The following MACROD2 variants were observed in gnomAD, a reference collection of about 807,000 sequenced individuals.
MACROD2 encodes the protein mono-ADP ribosylhydrolase 2.
Under a neutral mutation model 70.4 loss-of-function variants are expected in MACROD2, and 36 were observed. The ratio of observed to expected loss-of-function variants is 0.51; its 90% CI spans 0.39 to 0.68. The LOEUF is 0.68. Among genes scored for constraint, MACROD2 ranks in the 30% least tolerant of loss-of-function variants. MACROD2 has a pLI of 0.00. For missense variants in MACROD2, 496 were observed against 538.4 expected (o/e 0.92, Z 0.78); for synonymous variants, 172 against 178.8 (o/e 0.96, Z 0.30).
chr20:15,986,841 G>A (rs1387663826), intron 14 of MACROD2, 40 bp downstream of exon 14: 1 of 1,483,920 alleles, frequency 6.7e-7, no homozygotes, highest in Admixed American at 1.7e-5. Flanking sequence ...AGAATGAGAT[G>A]AAACTGTGAA....
chr20:15,189,172 C>T (rs2076553193), intron 5 of MACROD2, among the ~76,000 whole-genome samples: 1 of 151,952 alleles, frequency 6.6e-6, no homozygotes, highest in Admixed American at 6.6e-5. Flanking sequence ...ATGAAAGCAC[C>T]TAGCCAACTT....
intron 8 of MACROD2, among the ~76,000 whole-genome samples, chr20:15,856,803 G>A (rs1297903872): frequency 6.6e-6 from 1 of 152,180 alleles, no homozygotes; most frequent in Admixed American, 6.5e-5. Context: ...TTTATTGACA[G>A]CTTGTTCATA....
intron 3 of MACROD2, among the ~76,000 whole-genome samples, chr20:14,385,931 A>G (rs2083463265): frequency 6.6e-6 from 1 of 152,252 alleles, no homozygotes; most frequent in East Asian, 1.9e-4. Context: ...TGTTATTAGC[A>G]TTAAAGAACA....
At chr20:15,101,533 T>TAAAAAAAA (rs1568573864) in intron 5 of MACROD2, among the ~76,000 whole-genome samples, 7 of 7,490 alleles carry the variant, frequency 9.3e-4, no homozygotes, top group Admixed American at 1.5e-3. Flanking sequence ...AGGTGTTGGT[T>TAAAAAAAA]CAAAAAAAAA....
rs1258387932 is a variant in MACROD2 at position 14,862,678 on chromosome 20, AAT to A, written c.418+177729_418+177730del. On this transcript the variant is annotated intron_variant, in intron 5 of 17. Transcript: ENST00000684519. ...ATAAATATATATATAAATATATATA[AAT>A]ATATATATAAATATATATAAATATA... 1.9e-3 allele frequency among the ~76,000 whole-genome samples: 119 copies of A among 63,320 alleles called. 3 individuals carry two copies. Among genetic ancestry groups the A allele is most frequent in the African/African-American group, 7.4e-3 (112 of 15,206 alleles). The allele number at this position is 63,320 out of a possible 152,430, so 41.5% of individuals were successfully genotyped here. A position where few individuals can be genotyped will look rare whatever the true frequency, so the allele number is the denominator to read the frequency against.
intron 6 of MACROD2, among the ~76,000 whole-genome samples, chr20:15,370,596 C>T (rs1303617940): frequency 8.6e-5 from 13 of 151,912 alleles, no homozygotes; most frequent in Middle Eastern, 6.8e-3. Context: ...CAAAAAAATA[C>T]GGTTGATGCA....
At chr20:15,796,510 G>T (rs1349827894) in intron 8 of MACROD2, among the ~76,000 whole-genome samples, 2 of 152,226 alleles carry the variant, frequency 1.3e-5, no homozygotes, top group African/African-American at 4.8e-5. Flanking sequence ...AATATTAGCT[G>T]TGATTGAATG....
intron 5 of MACROD2, among the ~76,000 whole-genome samples, chr20:14,833,580 T>A (rs952632423): frequency 6.6e-6 from 1 of 152,132 alleles, no homozygotes; most frequent in Admixed American, 6.5e-5. Flanking sequence ...TTCAGTTAAT[T>A]TAATGCTTGG....
At chr20:15,747,150 A>G (rs1600836387) in intron 8 of MACROD2, among the ~76,000 whole-genome samples, 1 of 152,100 alleles carries the variant, frequency 6.6e-6, no homozygotes, top group East Asian at 1.9e-4. Flanking sequence ...TCCTCCCTCT[A>G]CCATAATAAG....
At chr20:14,855,608 T>G (rs1156588258) in intron 5 of MACROD2, among the ~76,000 whole-genome samples, 2 of 146,596 alleles carry the variant, frequency 1.4e-5, no homozygotes, top group African/African-American at 2.5e-5. Flanking sequence ...TTTTTTTTTT[T>G]TTTTTTTTTT....
intron 8 of MACROD2, among the ~76,000 whole-genome samples, chr20:15,728,250 C>G (rs915168230): frequency 2.6e-5 from 4 of 152,074 alleles, no homozygotes; most frequent in Admixed American, 2.6e-4. Context: ...AAGGGCAAAG[C>G]CTACTTGATC....
intron 6 of MACROD2, among the ~76,000 whole-genome samples, chr20:15,418,783 T>G (rs1354241744): frequency 6.6e-6 from 1 of 152,176 alleles, no homozygotes; most frequent in African/African-American, 2.4e-5. Context: ...CTGAATCCTT[T>G]CCCAGTTGTT....
chr20:14,745,052 C>G (rs537973430), intron 5 of MACROD2, among the ~76,000 whole-genome samples: 34 of 152,224 alleles, frequency 2.2e-4, no homozygotes, highest in African/African-American at 7.7e-4. Flanking sequence ...AAGGAGGTAG[C>G]ATTAGCTATC....
intron 6 of MACROD2, among the ~76,000 whole-genome samples, chr20:15,387,932 G>T (rs1241176046): frequency 6.9e-6 from 1 of 144,842 alleles, no homozygotes; most frequent in Non-Finnish European, 1.5e-5. Flanking sequence ...TATTTTTTTT[G>T]TAGAGACAGG....
intron 5 of MACROD2, among the ~76,000 whole-genome samples, chr20:14,989,639 T>C (rs1226642918): frequency 1.3e-5 from 2 of 152,034 alleles, no homozygotes; most frequent in African/African-American, 4.8e-5. Context: ...GTACCACCCA[T>C]TTTTGCACTA....
At chr20:15,333,167 C>A (rs1158467686) in intron 6 of MACROD2, among the ~76,000 whole-genome samples, 1 of 151,630 alleles carries the variant, frequency 6.6e-6, no homozygotes, top group Non-Finnish European at 1.5e-5. Context: ...TCAACCTGAT[C>A]TTCTTAGAAG....
intron 5 of MACROD2, among the ~76,000 whole-genome samples, chr20:15,001,045 G>A (rs2074991332): frequency 1.3e-5 from 2 of 152,124 alleles, no homozygotes; most frequent in South Asian, 4.2e-4. Context: ...TGAATGGTCT[G>A]GTAAATGCTG....
At chr20:15,526,149 A>T (rs1040449635) in intron 8 of MACROD2, among the ~76,000 whole-genome samples, 1 of 152,200 alleles carries the variant, frequency 6.6e-6, no homozygotes, top group African/African-American at 2.4e-5. Context: ...GATTGTCCTT[A>T]GAATGTCTTT....
intron 15 of MACROD2, among the ~76,000 whole-genome samples, chr20:16,023,780 C>T (rs2067038071): frequency 6.6e-6 from 1 of 152,058 alleles, no homozygotes; most frequent in African/African-American, 2.4e-5. Flanking sequence ...ACTCCCTTTC[C>T]TTATTGGTTG....
Sources: gnomAD v4.1 joint callset for allele counts (sites outside exome capture counted in the v4.1 genomes callset) on GRCh38, gnomAD v4.1.1 for gene constraint, MANE v1.5 for transcripts, NCBI Gene and HGNC (gene_info 2026-07-23, HGNC 2026-07-21) for gene names.